The following GUSB variants were observed in gnomAD, a reference collection of about 807,000 sequenced individuals.
GUSB encodes beta-glucuronidase.
A neutral mutation model predicts 74.6 loss-of-function variants in GUSB; 51 were observed. That is an observed-to-expected ratio of 0.68 (90% CI 0.55 to 0.86). The LOEUF is 0.86. Ranked by LOEUF, GUSB falls within the 40% of genes least tolerant of loss-of-function variation. The pLI is 0.00. For missense variants in GUSB, 736 were observed against 853.7 expected (o/e 0.86, Z 1.72); for synonymous variants, 360 against 348.3 (o/e 1.03, Z -0.37).
intron 4 of GUSB, among the ~76,000 whole-genome samples, chr7:65,976,528 T>G (rs1050428240): frequency 2.0e-4 from 31 of 151,878 alleles, no homozygotes; most frequent in Non-Finnish European, 3.8e-4. Flanking sequence ...TTTTGTCATA[T>G]TGGCCAGGCT....
Position 65,980,237 on chromosome 7 carries a change from G to A in GUSB, c.383C>T (p.Ser128Phe), listed in dbSNP as rs762212333. Reference sequence around the variant, plus strand: ...GGCCGCACTGACCACGATGGCATAGGAATGGGCACTGCCAATCCTCAGCAC... The same window carrying A: ...GGCCGCACTGACCACGATGGCATAGAAATGGGCACTGCCAATCCTCAGCAC... ...RVVLRIGSAH[S>F]YAIVWVNGVD... The change falls in exon 2 of 12, where the codon TCC (serine) becomes TTC (phenylalanine). Residue 128 changes from serine (S) to phenylalanine (F), a missense_variant. By Grantham distance (155) the Ser-to-Phe change is radical. This residue lies in a region of GUSB where 368 missense variants were observed against 363.8 expected (regional missense o/e 1.01). Transcript: ENST00000304895. 2.6e-6 allele frequency: 4 copies of A among 1,514,798 alleles called. No homozygotes were observed. In the Admixed American group the frequency reaches 7.1e-5, roughly 27 times the overall value. 93.8% of individuals were successfully genotyped at this position (1,514,798 alleles called of 1,614,324 possible).
rs976188004 is a variant in GUSB at position 65,982,118 on chromosome 7, C to A, written c.66G>T (p.Gly22=). The stretch of plus-strand genomic sequence containing the variant: ...GGGGGTACAGCATCCCGCCCTGCAG[C>A]CCCAGCGCGCAGCCCCACAACAACG... ...LGPLLWGCAL[G]LQGGMLYPQE... The change falls in exon 1 of 12, where the codon GGG becomes GGT. Residue 22 remains glycine, a synonymous_variant. Coordinates refer to ENST00000304895, the MANE Select transcript of GUSB (RefSeq NM_000181.4). 4 of 1,576,440 alleles carry A rather than the reference C, an allele frequency of 2.5e-6. No individual in the cohort carries two copies. Among genetic ancestry groups the A allele is most frequent in the Non-Finnish European group, 3.4e-6 (4 of 1,162,338 alleles).
chr7:65,980,185 G>GAGC, intron 2 of GUSB, 39 bp downstream of exon 2: 35 of 725,264 alleles, frequency 4.8e-5, no homozygotes, highest in Admixed American at 1.1e-4. Context: ...CAGCAGCCGT[G>GAGC]CCCCCCCACC....
chr7:65,980,491 C>T (rs1791935080), intron 1 of GUSB, 82 bp from the exon 2 acceptor site: 14 of 1,279,248 alleles, frequency 1.1e-5, no homozygotes, highest in Non-Finnish European at 1.6e-5. Context: ...TGCCCCCAGG[C>T]CTAGCACAAG....
rs1790447683 is a variant in GUSB, at chr7:65,960,959, C to T, written c.1894G>A (p.Glu632Lys). 1 of 1,613,782 alleles carries T rather than the reference C, an allele frequency of 6.2e-7. No homozygotes were observed. The highest frequency in any genetic ancestry group is 8.5e-7 in the Non-Finnish European group (1 of 1,179,950). ...LRERYWKIAN[E>K]TRYPHSVAKS... ...GCTACTGAGTGGGGATACCTGGTTT[C>T]ATTGGCAATCTTCCAGTATCTCTCT... is the stretch of plus-strand genomic sequence containing the variant. Residue 632 changes from glutamate (E) to lysine (K), a missense_variant, in exon 12 of 12, where the codon GAA (glutamate) becomes AAA (lysine). By Grantham distance (56) the Glu-to-Lys change is moderately conservative. This residue lies in a region of GUSB where 368 missense variants were observed against 489.9 expected (regional missense o/e 0.75). Coordinates refer to ENST00000304895, the MANE Select transcript of GUSB (RefSeq NM_000181.4).
At chr7:65,980,061 G>A (rs1390314965) in intron 2 of GUSB, 150 bp from the exon 3 acceptor site, 1 of 946,240 alleles carries the variant, frequency 1.1e-6, no homozygotes, top group Non-Finnish European at 1.6e-6. Flanking sequence ...GGGTAGATCA[G>A]GCTACCTATC....
chr7:65,982,212 C>T lies in GUSB; in HGVS notation c.-29G>A. On this transcript the variant is annotated 5_prime_UTR_variant, in exon 1 of 12. Coordinates refer to ENST00000304895, the MANE Select transcript of GUSB (RefSeq NM_000181.4). ...TCCCGGTCCCCCGCTCGGCCACCGT[C>T]TGCGGCGCTAAGAAAAGCGCGGGAG... 3 of 1,484,536 alleles carry T rather than the reference C, an allele frequency of 2.0e-6. No homozygotes were observed. Among genetic ancestry groups the T allele is most frequent in the Non-Finnish European group, 2.7e-6 (3 of 1,115,402 alleles). The allele number at this position is 1,484,536 out of a possible 1,614,324, so 92.0% of individuals were successfully genotyped here.
Position 65,974,701 on chromosome 7 carries a change from G to A in GUSB, c.1069C>T (p.Arg357Ter), listed in dbSNP as rs121918185. The A allele has an allele frequency of 2.0e-5, 32 of 1,612,622 alleles. No homozygotes were observed. The highest frequency in any genetic ancestry group is 3.3e-5 in the Admixed American group (2 of 59,982). ...AGCGGCCAGTCGAAGCCCTTCCCTC[G>A]GATCTAGGAGATAGCAGAGCCAAGT... is the stretch of plus-strand genomic sequence containing the variant. ...GVNKHEDADI[R>*]GKGFDWPLLV... The change falls in exon 7 of 12, where the codon CGA (arginine) becomes TGA (stop). Residue 357 changes from arginine to a stop codon, truncating the protein, a stop_gained. Coordinates refer to ENST00000304895, the MANE Select transcript of GUSB (RefSeq NM_000181.4). LOFTEE classifies it high-confidence loss of function.
chr7:65,971,203 C>A (rs60748223), intron 8 of GUSB, among the ~76,000 whole-genome samples: 2,835 of 152,248 alleles, frequency 0.019, 61 homozygotes, highest in East Asian at 0.089. Flanking sequence ...ATCAAGCAAA[C>A]GGAGTGCAGG....
intron 8 of GUSB, among the ~76,000 whole-genome samples, chr7:65,971,710 C>G (rs1166810711): frequency 6.6e-6 from 1 of 150,464 alleles, no homozygotes; most frequent in Non-Finnish European, 1.5e-5. Context: ...CCAGCCTGGG[C>G]AACAAGCAAG....
chr7:65,977,808 A>T (rs73372653), intron 4 of GUSB, among the ~76,000 whole-genome samples: 57,601 of 151,470 alleles, frequency 0.38, 11,669 homozygotes, highest in East Asian at 0.55. Flanking sequence ...ATATATATAT[A>T]TTTTTTTATT....
At chr7:65,963,114 T>C (rs1790607127) in intron 11 of GUSB, among the ~76,000 whole-genome samples, 1 of 152,074 alleles carries the variant, frequency 6.6e-6, no homozygotes, top group Non-Finnish European at 1.5e-5. Context: ...CACCTTGGCC[T>C]CCCAAAGTGC....
chr7:65,962,548 C>T (rs973898644), intron 11 of GUSB, among the ~76,000 whole-genome samples: 2 of 152,154 alleles, frequency 1.3e-5, no homozygotes, highest in South Asian at 2.1e-4. Flanking sequence ...ACTTGCCCAA[C>T]GTGATGCAGC....
intron 10 of GUSB, 81 bp from the exon 11 acceptor site, chr7:65,964,539 TG>T (rs1322363625): frequency 1.5e-6 from 2 of 1,333,058 alleles, no homozygotes; most frequent in Non-Finnish European, 2.1e-6. Flanking sequence ...ATCCACTTGA[TG>T]GTGACCAAAA....
At chr7:65,964,221 C>A in intron 11 of GUSB, 102 bp downstream of exon 11, 1 of 1,075,202 alleles carries the variant, frequency 9.3e-7, no homozygotes, top group Non-Finnish European at 1.4e-6. Flanking sequence ...GCTTCCCCAA[C>A]TTTGTTTCCA....
At position 65,961,002 on chromosome 7, in the gene GUSB, ACT is replaced by A. The variant is rs1170546425; in HGVS notation, c.1849_1850del (p.Ser617CysfsTer15). 1 of 1,613,228 alleles carries A rather than the reference ACT, an allele frequency of 6.2e-7. No individual in the cohort carries two copies. Among genetic ancestry groups the A allele is most frequent in the African/African-American group, 1.3e-5 (1 of 74,786 alleles). On this transcript the variant is annotated frameshift_variant, in exon 12 of 12. Transcript: ENST00000304895. LOFTEE classifies it low-confidence loss of function (END_TRUNC). Reference protein sequence around the residue: ...GIFTRQRQPKSAAFLLRERYW... With the variant: ...GIFTRQRQPKXAAFLLRERYW... ...ATCTCTCTCGCAAAAGGAACGCTGC[ACT>A]TTTTGGTTGTCTCTGCCGAGTGAAG...
intron 8 of GUSB, among the ~76,000 whole-genome samples, chr7:65,973,338 G>A (rs781411358): frequency 2.6e-5 from 4 of 152,048 alleles, no homozygotes; most frequent in Admixed American, 6.6e-5. Context: ...CCTGTAATCC[G>A]AGCACTTCAG....
chr7:65,980,558 G>A, intron 1 of GUSB, 149 bp from the exon 2 acceptor site: 3 of 745,128 alleles, frequency 4.0e-6, no homozygotes, highest in South Asian at 3.2e-5. Flanking sequence ...CTGATGACAG[G>A]TCAACTGCCA....
intron 2 of GUSB, 39 bp downstream of exon 2, chr7:65,980,185 G>GGGGGC: frequency 4.1e-6 from 3 of 725,274 alleles, no homozygotes; most frequent in Non-Finnish European, 7.3e-6. Flanking sequence ...CAGCAGCCGT[G>GGGGGC]CCCCCCCACC....
Sources: gnomAD v4.1 joint callset for allele counts (sites outside exome capture counted in the v4.1 genomes callset) on GRCh38, gnomAD v4.1.1 for gene constraint, gnomAD v4.1.1 regional missense constraint, MANE v1.5 for transcripts, NCBI Gene and HGNC (gene_info 2026-07-23, HGNC 2026-07-21) for gene names.